FRAS1: variants seen among roughly 807,000 people sequenced by gnomAD.
The protein encoded by FRAS1 is extracellular matrix organizing protein FRAS1.
Under a neutral mutation model 435.2 loss-of-function variants are expected in FRAS1, and 290 were observed. The observed-to-expected ratio is 0.67, with a 90% CI of 0.61 to 0.73. The LOEUF (loss-of-function observed/expected upper bound fraction) is 0.73. Ranked by LOEUF, FRAS1 falls within the 30% of genes least tolerant of loss-of-function variation. FRAS1 has a pLI of 0.00. For synonymous variants in FRAS1, 1,800 were observed against 1,851.0 expected (o/e 0.97, Z 0.71); for missense variants, 4,860 against 5,001.5 (o/e 0.97, Z 0.85).
chr4:78,418,774 A>C lies in FRAS1; in HGVS notation c.4426-175A>C, dbSNP rs144988711. ...TCTCTAAACCTAGGAGGGGAGGCTT[A>C]GGAAAAATCTGCAATGCAAGAGACC... On this transcript the variant is annotated intron_variant, in intron 32 of 73. Transcript: ENST00000512123. Among the ~76,000 whole-genome samples, 176 of 152,302 alleles carry C rather than the reference A, an allele frequency of 1.2e-3. 1 individual carries two copies. The highest frequency in any genetic ancestry group is 4.0e-3 in the African/African-American group (165 of 41,546).
intron 2 of FRAS1, among the ~76,000 whole-genome samples, chr4:78,074,963 G>A (rs1740561840): frequency 6.6e-6 from 1 of 152,182 alleles, no homozygotes; most frequent in Admixed American, 6.5e-5. Flanking sequence ...GCCTTGCTGA[G>A]GCAGCTTTCC....
intron 49 of FRAS1, among the ~76,000 whole-genome samples, chr4:78,465,832 T>C (rs1332662640): frequency 6.6e-6 from 1 of 152,192 alleles, no homozygotes; most frequent in Non-Finnish European, 1.5e-5. Flanking sequence ...AGAAGCTAGC[T>C]TCTGTTGTGA....
intron 18 of FRAS1, among the ~76,000 whole-genome samples, chr4:78,329,415 A>T (rs956114426): frequency 6.6e-6 from 1 of 152,200 alleles, no homozygotes; most frequent in African/African-American, 2.4e-5. Flanking sequence ...TTTCACTTTA[A>T]TCGCTGTTAT....
chr4:78,221,728 A>G (rs1219200325), intron 2 of FRAS1, among the ~76,000 whole-genome samples: 1 of 152,184 alleles, frequency 6.6e-6, no homozygotes, highest in Non-Finnish European at 1.5e-5. Flanking sequence ...TTGTCCTACA[A>G]AGAGTTTTGC....
At chr4:78,441,558 G>A (rs755756620) in intron 41 of FRAS1, among the ~76,000 whole-genome samples, 5 of 152,144 alleles carry the variant, frequency 3.3e-5, no homozygotes, top group Non-Finnish European at 7.4e-5. Context: ...TTCAATTCTG[G>A]TGGGGGGGTG....
At chr4:78,459,722 G>A (rs1297415753) in intron 47 of FRAS1, among the ~76,000 whole-genome samples, 1 of 152,172 alleles carries the variant, frequency 6.6e-6, no homozygotes, top group African/African-American at 2.4e-5. Context: ...TCTGGAGGCT[G>A]CAAGTTTGAG....
chr4:78,231,590 T>A (rs1192466027), intron 2 of FRAS1, among the ~76,000 whole-genome samples: 1 of 152,082 alleles, frequency 6.6e-6, no homozygotes, highest in African/African-American at 2.4e-5. Context: ...AATTAATCAA[T>A]AATTAAAGTA....
At chr4:78,119,834 C>T (rs761571391) in intron 2 of FRAS1, among the ~76,000 whole-genome samples, 1 of 152,136 alleles carries the variant, frequency 6.6e-6, no homozygotes, top group Non-Finnish European at 1.5e-5. Context: ...ATGGGAAACT[C>T]CACTTTGGAG....
intron 2 of FRAS1, among the ~76,000 whole-genome samples, chr4:78,098,867 A>G (rs1282516662): frequency 6.6e-6 from 1 of 152,218 alleles, no homozygotes; most frequent in Non-Finnish European, 1.5e-5. Context: ...AGCTAAGCCC[A>G]AATGAATCTC....
At chr4:78,383,090 G>T (rs1732082953) in intron 27 of FRAS1, among the ~76,000 whole-genome samples, 1 of 152,212 alleles carries the variant, frequency 6.6e-6, no homozygotes, top group African/African-American at 2.4e-5. Flanking sequence ...CGAGTTCTGT[G>T]CTTGGTTTGG....
chr4:78,261,183 T>G lies in FRAS1; in HGVS notation c.604-3842T>G, dbSNP rs75619096. Among the ~76,000 whole-genome samples, 1,210 of 152,242 alleles carry G rather than the reference T, an allele frequency of 7.9e-3. 8 individuals carry two copies. Among genetic ancestry groups the G allele is most frequent in the Middle Eastern group, 0.034 (10 of 294 alleles). On this transcript the variant is annotated intron_variant, in intron 6 of 73. Transcript: ENST00000512123. The stretch of plus-strand genomic sequence containing the variant: ...TTTAATTTGATAATTTTGCTTTAAT[T>G]AAGTCTTTTTTATTTCTACTATCAT...
chr4:78,195,317 A>T (rs1047344499), intron 2 of FRAS1, among the ~76,000 whole-genome samples: 4 of 152,194 alleles, frequency 2.6e-5, no homozygotes, highest in African/African-American at 9.7e-5. Context: ...AGGGACATTT[A>T]AGTCTGCAGA....
chr4:78,301,879 G>C (rs1039166495), intron 14 of FRAS1, among the ~76,000 whole-genome samples: 5 of 84,286 alleles, frequency 5.9e-5, no homozygotes, highest in East Asian at 3.5e-4. Context: ...TATACTTTAA[G>C]TTTTAGGGTA....
At chr4:78,524,587 AG>A (rs1385003259) in intron 69 of FRAS1, among the ~76,000 whole-genome samples, 1 of 152,212 alleles carries the variant, frequency 6.6e-6, no homozygotes, top group African/African-American at 2.4e-5. Flanking sequence ...AATGGACCTA[AG>A]TAGTATTTAG....
At chr4:78,307,945 C>A (rs540643549) in intron 14 of FRAS1, 121 bp from the exon 15 acceptor site, 1 of 925,370 alleles carries the variant, frequency 1.1e-6, no homozygotes, top group African/African-American at 1.7e-5. Context: ...GTGTCAATAG[C>A]AGTTTAGGAA....
At chr4:78,155,934 AGAGTT>A (rs1720864185) in intron 2 of FRAS1, among the ~76,000 whole-genome samples, 2 of 152,050 alleles carry the variant, frequency 1.3e-5, no homozygotes, top group African/African-American at 4.8e-5. Context: ...GTGATCTAGG[AGAGTT>A]GCCAAGCAGC....
intron 20 of FRAS1, among the ~76,000 whole-genome samples, chr4:78,340,842 TCTC>T (rs1730371154): frequency 6.6e-6 from 1 of 152,154 alleles, no homozygotes; most frequent in Non-Finnish European, 1.5e-5. Context: ...GTCCTAATCT[TCTC>T]TTCTTATAAC....
chr4:78,461,272 C>T (rs1247389623), intron 47 of FRAS1, among the ~76,000 whole-genome samples: 3 of 152,114 alleles, frequency 2.0e-5, no homozygotes, highest in Non-Finnish European at 2.9e-5. Flanking sequence ...ATATTACTTT[C>T]ATATTGAAAA....
intron 2 of FRAS1, among the ~76,000 whole-genome samples, chr4:78,193,694 C>T (rs141256607): frequency 0.013 from 1,984 of 152,276 alleles, 20 homozygotes; most frequent in South Asian, 0.022. Flanking sequence ...TACCTGAATA[C>T]AGCACACTGA....
Sources: gnomAD v4.1 joint callset for allele counts (sites outside exome capture counted in the v4.1 genomes callset) on GRCh38, gnomAD v4.1.1 for gene constraint, MANE v1.5 for transcripts, NCBI Gene and HGNC (gene_info 2026-07-23, HGNC 2026-07-21) for gene names.